SEC16A: variants seen among roughly 807,000 people sequenced by gnomAD.
The protein encoded by SEC16A is protein transport protein Sec16A.
In SEC16A, 110 loss-of-function variants were observed where a neutral mutation model predicts 221.9. The ratio of observed to expected loss-of-function variants is 0.50; its 90% confidence interval spans 0.42 to 0.58. SEC16A has a LOEUF of 0.58. Ranked by LOEUF, SEC16A falls within the 20% of genes least tolerant of loss-of-function variation. The probability of loss-of-function intolerance (pLI) is 0.00; values close to 1 mark genes in which losing one functional copy is unlikely to be tolerated. For synonymous variants in SEC16A, 1,393 were observed against 1,257.7 expected, an observed-to-expected ratio of 1.11 and a Z score of -2.28; for missense variants, 3,165 against 3,097.8, an observed-to-expected ratio of 1.02 and a Z score of -0.52.
intron 5 of SEC16A, among the ~76,000 whole-genome samples, chr9:136,467,813 G>A (rs1840345559): frequency 6.6e-6 from 1 of 152,220 alleles, no homozygotes; most frequent in Non-Finnish European, 1.5e-5. Context: ...AGGGGATTCA[G>A]GGCCCAGAGC....
chr9:136,473,542 G>A (rs1292537108), intron 3 of SEC16A, among the ~76,000 whole-genome samples: 1 of 152,276 alleles, frequency 6.6e-6, no homozygotes, highest in Non-Finnish European at 1.5e-5. Context: ...CAGCTTGCGG[G>A]ACTCCGCCTC....
rs1193989483 is a variant in SEC16A at position 136,459,431 on chromosome 9, C to T, written c.5303+13G>A. 9 of 1,582,392 alleles carry T rather than the reference C, an allele frequency of 5.7e-6. No individual in the cohort carries two copies. The highest frequency in any genetic ancestry group is 7.8e-6 in the Non-Finnish European group (9 of 1,159,794). ...AGGAAAACTTACAGGACTACACTGA[C>T]TTGGTTCTTTACCTGTGATTGGATC... On this transcript the variant is annotated intron_variant, in intron 16 of 31. Coordinates refer to ENST00000684901, the MANE Select transcript of SEC16A (RefSeq NM_014866.2). This position sits in a 1 kb window ranked among gnomAD's most constrained non-coding sequence, Gnocchi z 6.1.
intron 17 of SEC16A, among the ~76,000 whole-genome samples, chr9:136,458,756 T>C (rs1839070333): frequency 6.6e-6 from 1 of 151,910 alleles, no homozygotes; most frequent in African/African-American, 2.4e-5. Context: ...ACACAGTTTT[T>C]TTCTACAAAA....
At position 136,451,254 on chromosome 9, in the gene SEC16A, A is replaced by G; in HGVS notation, c.6312+2T>C. ...AGGCGCACCGTGGGCAGGCTGTACT[A>G]CCTTCTTAGGTTCCTTCGTTTCTTT... On this transcript the variant is annotated splice_donor_variant, in intron 23 of 31. Coordinates refer to ENST00000684901, the MANE Select transcript of SEC16A (RefSeq NM_014866.2). LOFTEE classifies it high-confidence loss of function. 6.2e-7 allele frequency: 1 copy of G among 1,609,950 alleles called. No individual in the cohort carries two copies. Among genetic ancestry groups the G allele is most frequent in the Non-Finnish European group, 8.5e-7 (1 of 1,178,124 alleles).
Position 136,474,571 on chromosome 9 carries a change from G to C in SEC16A, c.3045C>G (p.Asp1015Glu). The change falls in exon 3 of 32, where the codon GAC becomes GAG. Residue 1015 changes from aspartate to glutamate, a missense_variant. Physicochemically the swap from Asp to Glu is conservative, Grantham distance 45 (BLOSUM62 2). Coordinates refer to ENST00000684901, the MANE Select transcript of SEC16A (RefSeq NM_014866.2). ...CAACACTTTGCTGAGAAGCGAGGCT[G>C]TCAGAATGGGACGGGTTGTACACGT... ...PVNVYNPSHS[D>E]SLASQQSVAS... 6.2e-7 allele frequency: 1 copy of C among 1,612,922 alleles called. No homozygotes were observed. The highest frequency in any genetic ancestry group is 8.5e-7 in the Non-Finnish European group (1 of 1,179,834).
At chr9:136,457,033 C>A (rs1047546186) in intron 18 of SEC16A, among the ~76,000 whole-genome samples, 1 of 152,132 alleles carries the variant, frequency 6.6e-6, no homozygotes, top group East Asian at 1.9e-4. Flanking sequence ...ATTGGCCAAG[C>A]GTGGTGGCAG....
chr9:136,476,273 A>C lies in SEC16A; in HGVS notation c.1343T>G (p.Val448Gly), dbSNP rs1230399057. 6.2e-6 allele frequency: 10 copies of C among 1,613,204 alleles called. No individual in the cohort carries two copies. The highest frequency in any genetic ancestry group is 8.5e-6 in the Non-Finnish European group (10 of 1,179,884). Residue 448 changes from valine (V) to glycine (G), a missense_variant, in exon 3 of 32, where the codon GTG becomes GGG. Physicochemically the swap from Val to Gly is moderately radical, Grantham distance 109. Coordinates refer to ENST00000684901, the MANE Select transcript of SEC16A (RefSeq NM_014866.2). ...DVWGDTASTG[V>G]PDASGSQYEN... is the part of the protein sequence containing the mutation. ...ATACTGCGAGCCGCTGGCATCCGGCACCCCTGTGCTCGCTGTGTCACCCCA... is the reference window on the plus strand; with the variant it reads ...ATACTGCGAGCCGCTGGCATCCGGCCCCCCTGTGCTCGCTGTGTCACCCCA...
rs1841738170 is a variant in SEC16A, at chr9:136,477,031, C to T, written c.585G>A (p.Val195=). The stretch of plus-strand genomic sequence containing the variant: ...GGGAAGGGGATGCTGCTGGGGTGAC[C>T]ACACCGTCATGTGGGTTTTGCCTGC... ...PLSRQNPHDG[V]VTPAASPSLP... is the part of the protein sequence containing the mutation. Residue 195 remains valine, a synonymous_variant, in exon 3 of 32, where the codon GTG becomes GTA. Coordinates refer to ENST00000684901, the MANE Select transcript of SEC16A (RefSeq NM_014866.2). 6.2e-7 allele frequency: 1 copy of T among 1,613,658 alleles called. No individual in the cohort carries two copies. The highest frequency in any genetic ancestry group is 1.1e-5 in the South Asian group (1 of 91,076).
At chr9:136,443,064 G>C (rs1010317877) in intron 31 of SEC16A, among the ~76,000 whole-genome samples, 1 of 152,244 alleles carries the variant, frequency 6.6e-6, no homozygotes, top group East Asian at 1.9e-4. Context: ...AGGGAGGAGA[G>C]ATCACGCTCG....
intron 23 of SEC16A, chr9:136,448,792 C>T: frequency 1.4e-6 from 1 of 708,014 alleles, no homozygotes; most frequent in Non-Finnish European, 2.6e-6. Context: ...AGGTGGGGAG[C>T]AGATCCACAG....
Position 136,475,059 on chromosome 9 carries a change from G to C in SEC16A, c.2557C>G (p.His853Asp). The C allele has an allele frequency of 6.2e-7, 1 of 1,613,726 alleles. No individual in the cohort carries two copies. Among genetic ancestry groups the C allele is most frequent in the Non-Finnish European group, 8.5e-7 (1 of 1,179,846 alleles). Residue 853 changes from histidine (H) to aspartate (D), a missense_variant, in exon 3 of 32, where the codon CAT becomes GAT. Physicochemically the swap from His to Asp is moderately conservative, Grantham distance 81 (BLOSUM62 -1). This residue lies in a region of SEC16A where 2,030 missense variants were observed against 1,923.1 expected (regional missense o/e 1.06). Coordinates refer to ENST00000684901, the MANE Select transcript of SEC16A (RefSeq NM_014866.2). The surrounding 1 kb of genome is among the most constrained non-coding windows in gnomAD (Gnocchi z 5.0). The part of the protein sequence containing the change: ...INFSVSLSNS[H>D]EKNQSWREAL... ...TCTCTCCAGGACTGATTCTTCTCAT[G>C]AGAGTTCGATAAGGACACAGAAAAG... is the stretch of plus-strand genomic sequence containing the variant.
rs750033333 is a variant in SEC16A at position 136,476,977 on chromosome 9, T to G, written c.639A>C (p.Gly213=). ...SLPQPGLQMP[G]QWGPVQGGPQ... is the part of the protein sequence containing the mutation. ...GGCCTCCCTGCACTGGCCCCCACTG[T>G]CCTGGCATCTGCAGACCAGGCTGAG... Residue 213 remains glycine (G), a synonymous_variant, in exon 3 of 32, where the codon GGA becomes GGC. Transcript: ENST00000684901. 3.7e-6 allele frequency: 6 copies of G among 1,613,122 alleles called. No individual in the cohort carries two copies. The African/African-American group carries it at 8.0e-5, about 22-fold the overall frequency.
At chr9:136,483,534 T>C (rs998070639), upstream of SEC16A, 2 of 972,150 alleles carry the variant, frequency 2.1e-6, no homozygotes, top group Non-Finnish European at 1.2e-6. Context: ...CCTCGCCACC[T>C]GCCCGGCCAG....
In SEC16A at chr9:136,474,084, G is replaced by A. The variant is rs762445817; in HGVS notation, c.3532C>T (p.Pro1178Ser). The change falls in exon 3 of 32, where the codon CCA becomes TCA. Residue 1178 changes from proline to serine, a missense_variant. Physicochemically the swap from Pro to Ser is moderately conservative, Grantham distance 74 (BLOSUM62 -1). This residue lies in a region of SEC16A where 2,030 missense variants were observed against 1,923.1 expected (regional missense o/e 1.06). Coordinates refer to ENST00000684901, the MANE Select transcript of SEC16A (RefSeq NM_014866.2). ...AYQPQYSLPY[P>S]PEPGAASLYY... ...AGGGAGGCTGCGCCAGGCTCCGGTG[G>A]GTACGGCAAAGAGTACTGAGGCTGG... 6.2e-7 allele frequency: 1 copy of A among 1,609,542 alleles called. No homozygotes were observed. Among genetic ancestry groups the A allele is most frequent in the Non-Finnish European group, 8.5e-7 (1 of 1,177,210 alleles).
In SEC16A at chr9:136,466,847, C is replaced by T; in HGVS notation, c.3929+110G>A. Reference sequence around the variant, plus strand: ...CAGGGACCAAAACATCAGGCAGATGCTCACCCAAACTACCACAGCTCTTTG... The same window carrying T: ...CAGGGACCAAAACATCAGGCAGATGTTCACCCAAACTACCACAGCTCTTTG... On this transcript the variant is annotated intron_variant, in intron 6 of 31. Transcript: ENST00000684901. The surrounding 1 kb of genome is among the most constrained non-coding windows in gnomAD (Gnocchi z 5.5). 7.5e-7 allele frequency: 1 copy of T among 1,333,974 alleles called. No individual in the cohort carries two copies. The highest frequency in any genetic ancestry group is 1.0e-6 in the Non-Finnish European group (1 of 990,664). The allele number at this position is 1,333,974 out of a possible 1,614,324, so 82.6% of individuals were successfully genotyped here.
chr9:136,463,341 G>C, intron 11 of SEC16A, 122 bp downstream of exon 11: 1 of 1,337,162 alleles, frequency 7.5e-7, no homozygotes, highest in South Asian at 1.4e-5. Context: ...TCCTAAGGGG[G>C]CCCTCGAGGC....
In SEC16A at chr9:136,459,269, G is replaced by GA. The variant is rs1400560868; in HGVS notation, c.5304-31dup. The stretch of plus-strand genomic sequence containing the variant: ...AGAGGAAGTGAATTATTTTGATTTG[G>GA]AAAAAATGGCCAATTATTGGCATAG... On this transcript the variant is annotated intron_variant, in intron 16 of 31. Transcript: ENST00000684901. The surrounding 1 kb of genome is among the most constrained non-coding windows in gnomAD (Gnocchi z 6.1). The GA allele has an allele frequency of 3.8e-6, 6 of 1,596,450 alleles. No individual in the cohort carries two copies.
In SEC16A at chr9:136,461,058, G is replaced by T. The variant is rs988535449; in HGVS notation, c.4991+119C>A. 8 of 759,828 alleles carry T rather than the reference G, an allele frequency of 1.1e-5. 1 individual carries two copies. The Admixed American group carries it at 1.3e-4, about 12-fold the overall frequency. 47.1% of individuals were successfully genotyped at this position (759,828 alleles called of 1,614,324 possible). On this transcript the variant is annotated intron_variant, in intron 13 of 31. Coordinates refer to ENST00000684901, the MANE Select transcript of SEC16A (RefSeq NM_014866.2). Reference sequence around the variant, plus strand: ...CGAGGCCAAGGAAGCCCGAGTTCGTGTGGGAGCACAGCACAGTCAAGTGAG... The same window carrying T: ...CGAGGCCAAGGAAGCCCGAGTTCGTTTGGGAGCACAGCACAGTCAAGTGAG...
intron 23 of SEC16A, chr9:136,448,439 A>G: frequency 1.4e-6 from 1 of 707,292 alleles, no homozygotes. Context: ...CAGAGACACC[A>G]GGAGGATGGA....
Sources: gnomAD v4.1 joint callset for allele counts (sites outside exome capture counted in the v4.1 genomes callset) on GRCh38, gnomAD v4.1.1 for gene constraint, gnomAD v4.1.1 regional missense constraint, Gnocchi (gnomAD v3.1) non-coding constraint, MANE v1.5 for transcripts, NCBI Gene and HGNC (gene_info 2026-07-23, HGNC 2026-07-21) for gene names.